ADGRL3: variants seen among roughly 807,000 people sequenced by gnomAD.
ADGRL3 encodes calcium-independent alpha-latrotoxin receptor 3.
In ADGRL3, 62 loss-of-function variants were observed where a neutral mutation model predicts 153.5. The observed-to-expected ratio is 0.40, with a 90% CI of 0.33 to 0.50. ADGRL3 has a LOEUF of 0.50. ADGRL3 is among the 20% of genes least tolerant of loss of function. ADGRL3 has a pLI of 0.47. For synonymous variants in ADGRL3, 710 were observed against 672.5 expected, an observed-to-expected ratio of 1.06 and a Z score of -0.86; for missense variants, 1,641 against 1,859.4, an observed-to-expected ratio of 0.88 and a Z score of 2.16.
At chr4:61,750,114 T>C (rs1202090204) in intron 8 of ADGRL3, among the ~76,000 whole-genome samples, 1 of 148,098 alleles carries the variant, frequency 6.8e-6, no homozygotes, top group Non-Finnish European at 1.5e-5. Context: ...AAGGCAGGCA[T>C]TGGCCCTGTC....
At chr4:61,857,006 T>TCTTTCTTTCTC (rs2098280289) in intron 9 of ADGRL3, among the ~76,000 whole-genome samples, 2 of 112,628 alleles carry the variant, frequency 1.8e-5, no homozygotes, top group Admixed American at 9.1e-5. Context: ...CTTTCTTTCT[T>TCTTTCTTTCTC]TCTTTCTTTC....
rs371598174 is a variant in ADGRL3, at chr4:61,946,929, C to A, written c.2435C>A (p.Ala812Asp). 1.2e-6 allele frequency: 2 copies of A among 1,613,516 alleles called. No homozygotes were observed. The highest frequency in any genetic ancestry group is 1.7e-5 in the Admixed American group (1 of 59,998). The change falls in exon 16 of 27, where the codon GCC becomes GAC. Residue 812 changes from alanine to aspartate, a missense_variant. By Grantham distance (126) the Ala-to-Asp change is moderately radical. Transcript: ENST00000683033. The stretch of plus-strand genomic sequence containing the variant: ...TTTACTTTAGGAGAGATCAGAGTGG[C>A]CTTTGTCCTGTATAACAACTTGGGT... ...QNGRNGEIRV[A>D]FVLYNNLGPY...
At chr4:61,205,795 C>T (rs1736865845) in intron 1 of ADGRL3, among the ~76,000 whole-genome samples, 1 of 152,078 alleles carries the variant, frequency 6.6e-6, no homozygotes. Flanking sequence ...CCAGATTTTT[C>T]ATTCATTGTA....
In ADGRL3 at chr4:61,539,604, C is replaced by T. The variant is rs181523165; in HGVS notation, c.259+22086C>T. ...GCCTGGCAGTAAGCCACAGTGGGTA[C>T]GCAAACAGCGTGGTGTGCATCGTCT... On this transcript the variant is annotated intron_variant, in intron 4 of 26. Transcript: ENST00000683033. Among the ~76,000 whole-genome samples the T allele has an allele frequency of 2.0e-5, 3 of 152,194 alleles. No individual in the cohort carries two copies. The South Asian group carries it at 6.2e-4, about 32-fold the overall frequency.
rs1280490328 is a variant in ADGRL3, at chr4:61,201,562, T to G, written c.-443T>G. The G allele has an allele frequency of 6.6e-6, 1 of 152,290 alleles. No individual in the cohort carries two copies. The highest frequency in any genetic ancestry group is 2.4e-5 in the African/African-American group (1 of 41,450). The allele number at this position is 152,290 out of a possible 1,614,324, so 9.4% of individuals were successfully genotyped here. The stretch of plus-strand genomic sequence containing the variant: ...AAAGGGAAGAGAGACTTTTTGTTGT[T>G]GTTTCCTTGACTGGGGTCTCCACCC... On this transcript the variant is annotated 5_prime_UTR_variant, in exon 1 of 27. Coordinates refer to ENST00000683033, the MANE Select transcript of ADGRL3 (RefSeq NM_001387552.1).
chr4:61,347,038 C>T (rs1252942958), intron 1 of ADGRL3, among the ~76,000 whole-genome samples: 2 of 152,030 alleles, frequency 1.3e-5, no homozygotes, highest in Non-Finnish European at 2.9e-5. Context: ...CTAGTCTGTG[C>T]TCTCACTATT....
chr4:61,920,631 G>C (rs547129392), intron 13 of ADGRL3, among the ~76,000 whole-genome samples: 2 of 152,186 alleles, frequency 1.3e-5, no homozygotes, highest in African/African-American at 2.4e-5. Context: ...GAAATCATCA[G>C]AGACCAAGGC....
rs372776512 is a variant in ADGRL3, at chr4:61,635,502, C to T, written c.474-41324C>T. ...ACAGGCAAAAGAGAGTTGAGGTATACCTCTCATGCATCCGAGGACAGCACA... is the reference window on the plus strand; with the variant it reads ...ACAGGCAAAAGAGAGTTGAGGTATATCTCTCATGCATCCGAGGACAGCACA... On this transcript the variant is annotated intron_variant, in intron 5 of 26. Coordinates refer to ENST00000683033, the MANE Select transcript of ADGRL3 (RefSeq NM_001387552.1). Among the ~76,000 whole-genome samples, 130 of 152,166 alleles carry T rather than the reference C, an allele frequency of 8.5e-4. 3 individuals are homozygous for T. In the South Asian group the frequency reaches 0.027, roughly 31 times the overall value.
chr4:62,039,580 A>G (rs1440890443), intron 24 of ADGRL3, among the ~76,000 whole-genome samples: 1 of 152,158 alleles, frequency 6.6e-6, no homozygotes, highest in Non-Finnish European at 1.5e-5. Context: ...GTTGCAAATC[A>G]GAAGAACAAT....
At chr4:61,277,046 A>G (rs1341608378) in intron 1 of ADGRL3, among the ~76,000 whole-genome samples, 1 of 152,148 alleles carries the variant, frequency 6.6e-6, no homozygotes, top group Non-Finnish European at 1.5e-5. Flanking sequence ...TTAAAAGATA[A>G]GTCTGAATTT....
chr4:61,728,746 T>A (rs759786650), intron 6 of ADGRL3, among the ~76,000 whole-genome samples: 1 of 152,084 alleles, frequency 6.6e-6, no homozygotes, highest in Non-Finnish European at 1.5e-5. Context: ...TGTTGACAAA[T>A]GTCAACTTTC....
At chr4:61,849,846 G>A (rs1249687466) in intron 9 of ADGRL3, among the ~76,000 whole-genome samples, 2 of 152,030 alleles carry the variant, frequency 1.3e-5, no homozygotes, top group African/African-American at 4.8e-5. Context: ...ACCTTAAAAT[G>A]TTTTCATATT....
intron 1 of ADGRL3, among the ~76,000 whole-genome samples, chr4:61,373,716 T>A (rs985507559): frequency 2.0e-5 from 3 of 152,204 alleles, no homozygotes; most frequent in Non-Finnish European, 2.9e-5. Flanking sequence ...TTTTACTTTT[T>A]AAAGAGTTGT....
intron 5 of ADGRL3, among the ~76,000 whole-genome samples, chr4:61,651,532 G>C (rs2094249071): frequency 6.6e-6 from 1 of 152,002 alleles, no homozygotes; most frequent in African/African-American, 2.4e-5. Flanking sequence ...ATTTGTTTGG[G>C]GGAGGGCTTA....
chr4:61,330,556 T>C lies in ADGRL3; in HGVS notation c.-239-52568T>C, dbSNP rs1194436385. ...GATCCTTTGGTCTCCATAATCATGT[T>C]GTGTCCTGAGTTGGTTCCTTCTGGT... On this transcript the variant is annotated intron_variant, in intron 1 of 26. Transcript: ENST00000683033. 2.6e-5 allele frequency among the ~76,000 whole-genome samples: 4 copies of C among 152,256 alleles called. No homozygotes were observed. The East Asian group carries it at 7.8e-4, about 30-fold the overall frequency.
At chr4:61,260,414 A>G (rs956402270) in intron 1 of ADGRL3, among the ~76,000 whole-genome samples, 1 of 152,238 alleles carries the variant, frequency 6.6e-6, no homozygotes, top group African/African-American at 2.4e-5. Context: ...TGTATAGTGT[A>G]GTGCAGTTTA....
chr4:62,014,539 G>T (rs1277680012), intron 21 of ADGRL3, among the ~76,000 whole-genome samples: 5 of 152,090 alleles, frequency 3.3e-5, no homozygotes, highest in African/African-American at 4.8e-5. Flanking sequence ...CTATATTCAT[G>T]CAGTCACTTA....
chr4:61,554,169 G>GTTTTTTATTTTATTT (rs1553962163), intron 4 of ADGRL3, among the ~76,000 whole-genome samples: 1 of 138,766 alleles, frequency 7.2e-6, no homozygotes, highest in South Asian at 2.4e-4. Flanking sequence ...CCTAACTTAG[G>GTTTTTTATTTTATTT]TATTTTATTT....
intron 1 of ADGRL3, among the ~76,000 whole-genome samples, chr4:61,257,493 A>G (rs981267788): frequency 6.6e-6 from 1 of 152,146 alleles, no homozygotes; most frequent in Non-Finnish European, 1.5e-5. Flanking sequence ...CAGTGAACCT[A>G]TTTGTTTAAG....
Sources: allele counts gnomAD v4.1 joint callset (sites outside exome capture counted in the v4.1 genomes callset), GRCh38; gene constraint gnomAD v4.1.1; transcripts MANE v1.5; gene names NCBI Gene and HGNC (gene_info 2026-07-23, HGNC 2026-07-21).